CNTN4: variants seen among roughly 807,000 people sequenced by gnomAD.
CNTN4 encodes the protein contactin-4.
A neutral mutation model predicts 122.5 loss-of-function variants in CNTN4; 77 were observed. The ratio of observed to expected loss-of-function variants is 0.63; its 90% CI spans 0.52 to 0.76. The LOEUF (loss-of-function observed/expected upper bound fraction) is 0.76, where lower values mean the gene tolerates loss of function less well. Among genes scored for constraint, CNTN4 ranks in the 30% least tolerant of loss-of-function variants. The probability of loss-of-function intolerance (pLI) is 0.00; values close to 1 mark genes in which losing one functional copy is unlikely to be tolerated. For missense variants in CNTN4, 1,256 were observed against 1,259.1 expected (o/e 1.00, Z 0.04); for synonymous variants, 512 against 447.0 (o/e 1.15, Z -1.83).
At chr3:2,420,788 G>A (rs2047586671) in intron 3 of CNTN4, among the ~76,000 whole-genome samples, 2 of 151,942 alleles carry the variant, frequency 1.3e-5, no homozygotes, top group South Asian at 4.2e-4. Context: ...TTTCTTTCTG[G>A]CCTGCACTTC....
intron 3 of CNTN4, among the ~76,000 whole-genome samples, chr3:2,395,758 T>C (rs984932075): frequency 6.6e-6 from 1 of 152,176 alleles, no homozygotes; most frequent in Non-Finnish European, 1.5e-5. Context: ...ACTGTATCCA[T>C]GAATGACATG....
At chr3:2,124,091 A>C (rs1422716495) in intron 2 of CNTN4, among the ~76,000 whole-genome samples, 2 of 152,178 alleles carry the variant, frequency 1.3e-5, no homozygotes, top group African/African-American at 4.8e-5. Context: ...AATAAGGGGA[A>C]AAAAATCACT....
intron 4 of CNTN4, among the ~76,000 whole-genome samples, chr3:2,602,750 C>T (rs1247252142): frequency 1.3e-5 from 2 of 152,046 alleles, no homozygotes; most frequent in Non-Finnish European, 2.9e-5. Flanking sequence ...TCAGTTCACC[C>T]AAGGATTACA....
At chr3:2,113,768 C>G (rs151133114) in intron 2 of CNTN4, among the ~76,000 whole-genome samples, 1 of 152,148 alleles carries the variant, frequency 6.6e-6, no homozygotes, top group Non-Finnish European at 1.5e-5. Flanking sequence ...CTTTGAAAAT[C>G]ACTGGAGGGA....
intron 13 of CNTN4, among the ~76,000 whole-genome samples, chr3:2,952,567 T>A (rs1247953916): frequency 6.6e-6 from 1 of 152,226 alleles, no homozygotes; most frequent in South Asian, 2.1e-4. Context: ...CTTATTGTTT[T>A]ATTATTTGAC....
intron 2 of CNTN4, among the ~76,000 whole-genome samples, chr3:2,338,445 A>G (rs2044047357): frequency 1.3e-5 from 2 of 151,962 alleles, no homozygotes; most frequent in Non-Finnish European, 1.5e-5. Context: ...TATATTATAT[A>G]TATCTACATA....
intron 2 of CNTN4, among the ~76,000 whole-genome samples, chr3:2,155,431 CA>C (rs1418794538): frequency 1.3e-5 from 2 of 152,162 alleles, no homozygotes; most frequent in African/African-American, 4.8e-5. Context: ...AGCTCCTCAG[CA>C]GATTGGGGAT....
intron 4 of CNTN4, among the ~76,000 whole-genome samples, chr3:2,580,721 A>C (rs2079896810): frequency 6.6e-6 from 1 of 152,200 alleles, no homozygotes. Context: ...TAGGAATTAG[A>C]GACAACTGCA....
chr3:2,706,780 C>G (rs560095718), intron 4 of CNTN4, among the ~76,000 whole-genome samples: 1 of 152,134 alleles, frequency 6.6e-6, no homozygotes, highest in Non-Finnish European at 1.5e-5. Context: ...TAAAAGATCA[C>G]GTAGATTCCA....
In CNTN4 at chr3:3,056,268, G is replaced by A; in HGVS notation, c.*48G>A. On this transcript the variant is annotated 3_prime_UTR_variant, in exon 25 of 25. Coordinates refer to ENST00000418658, the MANE Select transcript of CNTN4 (RefSeq NM_175607.3). ...CTGTTTATAATATAAGCAACATTTA[G>A]CTAGTTGTTTTGAAGACACCCAGTA... 7.2e-7 allele frequency: 1 copy of A among 1,395,806 alleles called. No individual in the cohort carries two copies. The highest frequency in any genetic ancestry group is 2.3e-5 in the East Asian group (1 of 43,816). The allele number at this position is 1,395,806 out of a possible 1,614,324, so 86.5% of individuals were successfully genotyped here. A position where few individuals can be genotyped will look rare whatever the true frequency, so the allele number is the denominator to read the frequency against.
At chr3:2,559,471 A>G (rs369762665) in intron 3 of CNTN4, among the ~76,000 whole-genome samples, 9 of 152,180 alleles carry the variant, frequency 5.9e-5, no homozygotes, top group African/African-American at 2.2e-4. Flanking sequence ...CTCTTTGACA[A>G]ATGGAAATAA....
At chr3:2,751,618 A>C (rs993476985) in intron 6 of CNTN4, among the ~76,000 whole-genome samples, 2 of 152,154 alleles carry the variant, frequency 1.3e-5, no homozygotes, top group African/African-American at 4.8e-5. Flanking sequence ...AGCTTAACGA[A>C]GGGGATGTTT....
chr3:2,129,624 T>G (rs553392585), intron 2 of CNTN4, among the ~76,000 whole-genome samples: 1 of 151,984 alleles, frequency 6.6e-6, no homozygotes, highest in Non-Finnish European at 1.5e-5. Flanking sequence ...AAACCAAAAA[T>G]ATGCTGGAGA....
At chr3:2,467,342 T>A (rs1287616050) in intron 3 of CNTN4, among the ~76,000 whole-genome samples, 1 of 152,202 alleles carries the variant, frequency 6.6e-6, no homozygotes, top group African/African-American at 2.4e-5. Context: ...AAACTGTAAA[T>A]GTTAATTATA....
At chr3:2,407,483 G>A (rs1502590) in intron 3 of CNTN4, among the ~76,000 whole-genome samples, 152,218 of 152,256 alleles carry the variant, frequency 1, 76,090 homozygotes, top group Middle Eastern at 1. Context: ...TCATAAATCT[G>A]TCTGTGGAAA....
intron 3 of CNTN4, among the ~76,000 whole-genome samples, chr3:2,367,406 C>A (rs1310923237): frequency 6.6e-6 from 1 of 152,192 alleles, no homozygotes; most frequent in Non-Finnish European, 1.5e-5. Context: ...ACGAAAAACA[C>A]AAACCACCCT....
At chr3:2,301,340 A>G (rs2042511049) in intron 2 of CNTN4, among the ~76,000 whole-genome samples, 2 of 152,238 alleles carry the variant, frequency 1.3e-5, no homozygotes, top group African/African-American at 4.8e-5. Context: ...TAAACTATGA[A>G]TACATTTTTA....
chr3:2,446,266 G>C (rs1035894414), intron 3 of CNTN4, among the ~76,000 whole-genome samples: 1 of 152,072 alleles, frequency 6.6e-6, no homozygotes, highest in Non-Finnish European at 1.5e-5. Flanking sequence ...GAGAACGTGG[G>C]TTCTTTATTC....
chr3:2,335,250 C>T (rs1172097836), intron 2 of CNTN4, among the ~76,000 whole-genome samples: 3 of 151,852 alleles, frequency 2.0e-5, no homozygotes, highest in Admixed American at 1.3e-4. Flanking sequence ...CTTAGGATAG[C>T]GGGTACAAGT....
Sources: allele counts gnomAD v4.1 joint callset (sites outside exome capture counted in the v4.1 genomes callset), GRCh38; gene constraint gnomAD v4.1.1; transcripts MANE v1.5; gene names NCBI Gene and HGNC (gene_info 2026-07-23, HGNC 2026-07-21).